Variants in PLXNA4 observed in about 807,000 individuals in gnomAD.
PLXNA4 encodes the protein plexin A4, also known as plexin-A4.
Under a neutral mutation model 191.8 loss-of-function variants are expected in PLXNA4, and 44 were observed. The ratio of observed to expected loss-of-function variants is 0.23; its 90% confidence interval spans 0.18 to 0.29. The LOEUF (loss-of-function observed/expected upper bound fraction) is 0.29. Among genes scored for constraint, PLXNA4 ranks in the 10% least tolerant of loss-of-function variants. The pLI is 1.00. For synonymous variants in PLXNA4, 1,082 were observed against 1,009.5 expected (o/e 1.07, Z -1.36); for missense variants, 1,800 against 2,488.8 (o/e 0.72, Z 5.89).
intron 3 of PLXNA4, among the ~76,000 whole-genome samples, chr7:132,320,938 T>A (rs966267461): frequency 7.2e-5 from 11 of 152,158 alleles, no homozygotes; most frequent in Non-Finnish European, 1.6e-4. Flanking sequence ...CACAAGGGCA[T>A]CCCCAGCAAG....
At chr7:132,229,112 A>G (rs945592585) in intron 5 of PLXNA4, among the ~76,000 whole-genome samples, 7 of 152,206 alleles carry the variant, frequency 4.6e-5, no homozygotes, top group African/African-American at 1.4e-4. Context: ...TTTTCAAAAA[A>G]AGCAGCTATG....
intron 3 of PLXNA4, among the ~76,000 whole-genome samples, chr7:132,436,369 G>T (rs528590042): frequency 1.3e-5 from 2 of 152,180 alleles, no homozygotes; most frequent in Non-Finnish European, 2.9e-5. Context: ...CCATGGCAAC[G>T]AACACCATGC....
chr7:132,206,149 G>A (rs899642581), intron 10 of PLXNA4, among the ~76,000 whole-genome samples: 11 of 152,168 alleles, frequency 7.2e-5, no homozygotes, highest in African/African-American at 2.7e-4. Flanking sequence ...TTCCCCATTG[G>A]TAAAGTGGGA....
chr7:132,337,929 T>A (rs1399532467), intron 3 of PLXNA4, among the ~76,000 whole-genome samples: 1 of 152,174 alleles, frequency 6.6e-6, no homozygotes, highest in Non-Finnish European at 1.5e-5. Context: ...AACAAGGAAG[T>A]TCTGCTGACT....
chr7:132,357,333 T>C lies in PLXNA4; in HGVS notation c.1372-59111A>G, dbSNP rs551193014. On this transcript the variant is annotated intron_variant, in intron 3 of 31. Transcript: ENST00000321063. ...CTGCATTTCACATGCCCTCCCTCTT[T>C]CCTTTGCATCCTTCTTGCCTTCCTA... 2.0e-5 allele frequency among the ~76,000 whole-genome samples: 3 copies of C among 152,294 alleles called. No homozygotes were observed. The East Asian group carries it at 5.8e-4, about 29-fold the overall frequency.
At chr7:132,343,888 G>A (rs989630727) in intron 3 of PLXNA4, among the ~76,000 whole-genome samples, 3 of 152,172 alleles carry the variant, frequency 2.0e-5, no homozygotes, top group African/African-American at 7.2e-5. Context: ...CTTCACTCCA[G>A]CCTAGGTGAC....
chr7:132,215,273 T>C (rs1341850026), intron 9 of PLXNA4, among the ~76,000 whole-genome samples: 1 of 152,216 alleles, frequency 6.6e-6, no homozygotes, highest in Non-Finnish European at 1.5e-5. Context: ...ATTGTAAAGT[T>C]GCATGCTCCA....
At chr7:132,539,310 C>T (rs1488935712) in intron 1 of PLXNA4, among the ~76,000 whole-genome samples, 6 of 152,234 alleles carry the variant, frequency 3.9e-5, no homozygotes, top group African/African-American at 1.4e-4. Flanking sequence ...ACAGACCCTC[C>T]ACCTGTCTTC....
intron 3 of PLXNA4, among the ~76,000 whole-genome samples, chr7:132,368,714 T>C (rs749825116): frequency 3.9e-5 from 6 of 152,100 alleles, no homozygotes; most frequent in Admixed American, 6.5e-5. Context: ...AGGCTGGAGC[T>C]GAGAAGAACT....
At chr7:132,418,520 G>A (rs1336663931) in intron 3 of PLXNA4, among the ~76,000 whole-genome samples, 1 of 152,216 alleles carries the variant, frequency 6.6e-6, no homozygotes, top group East Asian at 1.9e-4. Flanking sequence ...TGTGTGGAGG[G>A]ATGCCTATTG....
intron 4 of PLXNA4, among the ~76,000 whole-genome samples, chr7:132,283,752 A>G (rs896225072): frequency 1.3e-5 from 2 of 152,256 alleles, no homozygotes; most frequent in Non-Finnish European, 2.9e-5. Flanking sequence ...TCCTGGTAAC[A>G]TGAGTTCTGT....
At chr7:132,578,790 C>T (rs2116808733), upstream of PLXNA4, among the ~76,000 whole-genome samples, 1 of 152,328 alleles carries the variant, frequency 6.6e-6, no homozygotes, top group Non-Finnish European at 1.5e-5. Context: ...TCTGCTGAGT[C>T]TTGCATGGCC....
At chr7:132,189,415 G>A (rs1458482901) in intron 14 of PLXNA4, among the ~76,000 whole-genome samples, 2 of 152,284 alleles carry the variant, frequency 1.3e-5, no homozygotes, top group East Asian at 1.9e-4. Flanking sequence ...AAGGGGGAAA[G>A]CATTCCCTGC....
intron 3 of PLXNA4, among the ~76,000 whole-genome samples, chr7:132,406,420 T>C (rs1175589531): frequency 6.6e-6 from 1 of 152,190 alleles, no homozygotes; most frequent in African/African-American, 2.4e-5. Context: ...TTGAGTAAAC[T>C]AGAGCGCGTT....
chr7:132,194,562 A>C lies in PLXNA4; in HGVS notation c.2739-383T>G, dbSNP rs527596287. 2.6e-5 allele frequency among the ~76,000 whole-genome samples: 4 copies of C among 152,328 alleles called. No individual in the cohort carries two copies. In the East Asian group the frequency reaches 7.7e-4, roughly 29 times the overall value. On this transcript the variant is annotated intron_variant, in intron 13 of 31. Transcript: ENST00000321063. ...AGCCACTTACCCAAGGGCTGCAGCA[A>C]GTCAAACCAGAACTTGGAACAGACC...
intron 14 of PLXNA4, among the ~76,000 whole-genome samples, chr7:132,191,922 A>C (rs1797104375): frequency 1.3e-5 from 2 of 151,992 alleles, no homozygotes; most frequent in Admixed American, 6.6e-5. Flanking sequence ...TATTGGGTTC[A>C]CCTTGGAAAT....
chr7:132,529,459 T>C (rs1799536876), intron 1 of PLXNA4, among the ~76,000 whole-genome samples: 1 of 152,168 alleles, frequency 6.6e-6, no homozygotes, highest in Admixed American at 6.5e-5. Context: ...GAAGGCTGTG[T>C]TGAAAATCTT....
At chr7:132,174,998 C>A in intron 20 of PLXNA4, 78 bp from the exon 21 acceptor site, 1 of 1,580,824 alleles carries the variant, frequency 6.3e-7, no homozygotes, top group South Asian at 1.2e-5. Context: ...TGCTCAGAAC[C>A]CTTACCCAAG....
chr7:132,547,205 A>G (rs1251710072), intron 1 of PLXNA4, among the ~76,000 whole-genome samples: 1 of 152,114 alleles, frequency 6.6e-6, no homozygotes, highest in Non-Finnish European at 1.5e-5. Context: ...GATGCTGACC[A>G]CTTCACACAC....
Sources: gnomAD v4.1 joint callset for allele counts (sites outside exome capture counted in the v4.1 genomes callset) on GRCh38, gnomAD v4.1.1 for gene constraint, MANE v1.5 for transcripts, NCBI Gene and HGNC (gene_info 2026-07-23, HGNC 2026-07-21) for gene names.